The following DPYD variants were observed in gnomAD, a reference collection of about 807,000 sequenced individuals.
DPYD encodes the protein dihydropyrimidine dehydrogenase [NADP(+)].
A neutral mutation model predicts 116.2 loss-of-function variants in DPYD; 109 were observed. That is an observed-to-expected ratio of 0.94 (90% CI 0.80 to 1.10). The LOEUF (loss-of-function observed/expected upper bound fraction) is 1.10. DPYD is among the 50% of genes least tolerant of loss of function. The probability of loss-of-function intolerance (pLI) is 0.00; values close to 1 mark genes in which losing one functional copy is unlikely to be tolerated. For synonymous variants in DPYD, 440 were observed against 432.0 expected, an observed-to-expected ratio of 1.02 and a Z score of -0.23; for missense variants, 1,302 against 1,254.5, an observed-to-expected ratio of 1.04 and a Z score of -0.57.
intron 18 of DPYD, among the ~76,000 whole-genome samples, chr1:97,292,403 C>G (rs530351080): frequency 6.6e-6 from 1 of 152,018 alleles, no homozygotes; most frequent in African/African-American, 2.4e-5. Context: ...CAAGGAGAAG[C>G]GCAGAGTGAA....
At position 97,704,728 on chromosome 1, in the gene DPYD, G is replaced by A. The variant is rs143180334; in HGVS notation, c.484-5181C>T. ...TAACAAAAATATTATAAAATAATTT[G>A]GCTCTTTCGGTGAGAAAGACCCCTC... On this transcript the variant is annotated intron_variant, in intron 5 of 22. Transcript: ENST00000370192. 3.5e-3 allele frequency among the ~76,000 whole-genome samples: 528 copies of A among 151,550 alleles called. 2 individuals are homozygous for A. The highest frequency in any genetic ancestry group is 0.012 in the African/African-American group (507 of 41,300).
intron 16 of DPYD, among the ~76,000 whole-genome samples, chr1:97,348,075 A>C (rs1362093816): frequency 6.6e-6 from 1 of 152,130 alleles, no homozygotes; most frequent in East Asian, 1.9e-4. Context: ...ATGGATGTTA[A>C]GAAGGCATTG....
At chr1:97,720,264 T>C (rs1335912502) in intron 5 of DPYD, 1 of 985,112 alleles carries the variant, frequency 1.0e-6, no homozygotes, top group Non-Finnish European at 1.2e-6. Flanking sequence ...AATGCTGTGT[T>C]AGTTGATATA....
intron 3 of DPYD, among the ~76,000 whole-genome samples, chr1:97,773,443 C>T (rs964082972): frequency 2.0e-5 from 3 of 152,328 alleles, no homozygotes; most frequent in East Asian, 1.9e-4. Context: ...GTTCTACCCT[C>T]GGGCCTGTGG....
chr1:97,383,479 A>C (rs1672102152), intron 14 of DPYD, among the ~76,000 whole-genome samples: 1 of 149,644 alleles, frequency 6.7e-6, no homozygotes, highest in Non-Finnish European at 1.5e-5. Flanking sequence ...CTGTCTCAAA[A>C]AAAAAAAAAG....
At chr1:97,578,863 G>C (rs894721515) in intron 10 of DPYD, among the ~76,000 whole-genome samples, 8 of 152,036 alleles carry the variant, frequency 5.3e-5, no homozygotes, top group Admixed American at 6.6e-5. Flanking sequence ...CGAGTTAATA[G>C]AGACACCTTG....
At chr1:97,487,388 A>G (rs1040904437) in intron 13 of DPYD, among the ~76,000 whole-genome samples, 2 of 152,130 alleles carry the variant, frequency 1.3e-5, no homozygotes, top group Non-Finnish European at 2.9e-5. Flanking sequence ...TAAAATGACA[A>G]TGAGGCCAGG....
At chr1:97,778,472 T>C (rs1666548701) in intron 3 of DPYD, among the ~76,000 whole-genome samples, 1 of 152,076 alleles carries the variant, frequency 6.6e-6, no homozygotes, top group Non-Finnish European at 1.5e-5. Context: ...ACTTACTCTA[T>C]TTCATTAAAA....
At chr1:97,889,303 TTATAA>T (rs1340082739) in intron 1 of DPYD, among the ~76,000 whole-genome samples, 13 of 152,006 alleles carry the variant, frequency 8.6e-5, no homozygotes, top group African/African-American at 2.9e-4. Context: ...AATTATGAAA[TTATAA>T]TAGTATAAAT....
intron 12 of DPYD, among the ~76,000 whole-genome samples, chr1:97,528,509 CATCTTTCTCCATCTAAA>C (rs1649322712): frequency 1.3e-5 from 2 of 151,992 alleles, no homozygotes; most frequent in Admixed American, 1.3e-4. Context: ...ATCCATGTCC[CATCTTTCTCCATCTAAA>C]CTCTACCTCT....
At chr1:97,242,156 A>C (rs1209696466) in intron 18 of DPYD, among the ~76,000 whole-genome samples, 4 of 122,144 alleles carry the variant, frequency 3.3e-5, no homozygotes, top group African/African-American at 6.2e-5. Flanking sequence ...ATATATATAT[A>C]TATATATATA....
rs141153406 is a variant in DPYD, at chr1:97,737,151, T to A, written c.321+3241A>T. On this transcript the variant is annotated intron_variant, in intron 4 of 22. Transcript: ENST00000370192. ...CTGTAATTCTATAACTTTGGAGACA[T>A]GCTGGTCAAAGGAGATAGAGGTTTT... Among the ~76,000 whole-genome samples the A allele has an allele frequency of 9.2e-4, 140 of 152,232 alleles. No homozygotes were observed. In the Middle Eastern group the frequency reaches 0.024, roughly 26 times the overall value.
chr1:97,469,411 AAAAAAAAAAAAAAAAAAG>A (rs1477636521), intron 13 of DPYD, among the ~76,000 whole-genome samples: 34 of 143,084 alleles, frequency 2.4e-4, no homozygotes, highest in African/African-American at 8.6e-4. Flanking sequence ...AAAAAAAAAA[AAAAAAAAAAAAAAAAAAG>A]ACAAATAAAT....
chr1:97,317,887 G>A (rs1667959827), intron 16 of DPYD, among the ~76,000 whole-genome samples: 1 of 151,950 alleles, frequency 6.6e-6, no homozygotes, highest in South Asian at 2.1e-4. Flanking sequence ...GGCAATGAAT[G>A]GTTCCGACTA....
intron 16 of DPYD, among the ~76,000 whole-genome samples, chr1:97,353,620 G>A (rs1327283382): frequency 6.9e-6 from 1 of 145,474 alleles, no homozygotes; most frequent in Non-Finnish European, 1.5e-5. Flanking sequence ...CTGGAAAACT[G>A]CATTCTGTTT....
intron 3 of DPYD, among the ~76,000 whole-genome samples, chr1:97,765,249 A>G (rs1665785565): frequency 6.6e-6 from 1 of 152,192 alleles, no homozygotes; most frequent in Non-Finnish European, 1.5e-5. Context: ...TGGGGAAGGA[A>G]ATGCTTTTCT....
At chr1:97,480,470 A>C in intron 13 of DPYD, among the ~76,000 whole-genome samples, 1 of 152,242 alleles carries the variant, frequency 6.6e-6, no homozygotes, top group Non-Finnish European at 1.5e-5. Context: ...AAAATGTTTA[A>C]ATTGGAAAAA....
intron 3 of DPYD, among the ~76,000 whole-genome samples, chr1:97,784,327 A>G (rs942698032): frequency 4.6e-5 from 7 of 152,136 alleles, no homozygotes; most frequent in Non-Finnish European, 8.8e-5. Context: ...AGCGCTTTAT[A>G]CCAACAGTTG....
chr1:97,781,464 C>T (rs938897273), intron 3 of DPYD, among the ~76,000 whole-genome samples: 3 of 152,162 alleles, frequency 2.0e-5, no homozygotes, highest in Non-Finnish European at 4.4e-5. Flanking sequence ...ATAACATGTT[C>T]CATGCATGTT....
Sources: allele counts gnomAD v4.1 joint callset (sites outside exome capture counted in the v4.1 genomes callset), GRCh38; gene constraint gnomAD v4.1.1; transcripts MANE v1.5; gene names NCBI Gene and HGNC (gene_info 2026-07-23, HGNC 2026-07-21).